TSHZ2: variants seen among roughly 807,000 people sequenced by gnomAD.
TSHZ2 encodes teashirt zinc finger homeobox 2.
In TSHZ2, 21 loss-of-function variants were observed where a neutral mutation model predicts 74.4. The observed-to-expected ratio is 0.28, with a 90% CI of 0.20 to 0.41. The LOEUF (loss-of-function observed/expected upper bound fraction) is 0.41, where lower values mean the gene tolerates loss of function less well. Among genes scored for constraint, TSHZ2 ranks in the 10% least tolerant of loss-of-function variants. The probability of loss-of-function intolerance (pLI) is 1.00; values close to 1 mark genes in which losing one functional copy is unlikely to be tolerated. For missense variants in TSHZ2, 1,244 were observed against 1,293.5 expected (o/e 0.96, Z 0.59); for synonymous variants, 540 against 515.3 (o/e 1.05, Z -0.65).
chr20:52,975,554 C>A lies in TSHZ2; in HGVS notation c.40+2221C>A, dbSNP rs143899627. Reference sequence around the variant, plus strand: ...GTGTGTGTGTGTTAGAAACTTGTAACTATAGTTTCAGTTTTCTGGCCTATT... The same window carrying A: ...GTGTGTGTGTGTTAGAAACTTGTAAATATAGTTTCAGTTTTCTGGCCTATT... On this transcript the variant is annotated intron_variant, in intron 1 of 2. Coordinates refer to ENST00000371497, the MANE Select transcript of TSHZ2 (RefSeq NM_173485.6). 3.4e-4 allele frequency among the ~76,000 whole-genome samples: 52 copies of A among 151,820 alleles called. No homozygotes were observed. The East Asian group carries it at 6.0e-3, about 18-fold the overall frequency.
chr20:53,212,731 T>C (rs1195727442), intron 1 of TSHZ2, among the ~76,000 whole-genome samples: 1 of 152,170 alleles, frequency 6.6e-6, no homozygotes, highest in African/African-American at 2.4e-5. Flanking sequence ...TTACAAAAGA[T>C]TCTCTCCGCA....
At chr20:53,284,405 A>G (rs918415765) in intron 2 of TSHZ2, among the ~76,000 whole-genome samples, 2 of 152,248 alleles carry the variant, frequency 1.3e-5, no homozygotes, top group Non-Finnish European at 2.9e-5. Context: ...TGAAGTTAGC[A>G]ACACTGATGC....
At chr20:53,194,131 A>T (rs1988803836) in intron 1 of TSHZ2, among the ~76,000 whole-genome samples, 1 of 152,194 alleles carries the variant, frequency 6.6e-6, no homozygotes, top group Non-Finnish European at 1.5e-5. Flanking sequence ...ATGGCCTTCC[A>T]TGAGCACAAT....
At chr20:53,412,372 A>G (rs149058368) in intron 2 of TSHZ2, among the ~76,000 whole-genome samples, 41 of 152,376 alleles carry the variant, frequency 2.7e-4, no homozygotes, top group Non-Finnish European at 5.3e-4. Context: ...CTCCAGGAGA[A>G]TGATCAAAGC....
intron 2 of TSHZ2, among the ~76,000 whole-genome samples, chr20:53,385,655 C>A (rs1349658886): frequency 6.6e-6 from 1 of 152,178 alleles, no homozygotes; most frequent in Non-Finnish European, 1.5e-5. Flanking sequence ...CCAGTTTTAA[C>A]CCAGGGTTCC....
intron 1 of TSHZ2, among the ~76,000 whole-genome samples, chr20:53,092,718 T>A (rs978980827): frequency 6.6e-6 from 1 of 152,210 alleles, no homozygotes; most frequent in Non-Finnish European, 1.5e-5. Flanking sequence ...AAGAAGCAGT[T>A]GTAAAAATAA....
At chr20:53,006,610 T>A (rs1249046007) in intron 1 of TSHZ2, among the ~76,000 whole-genome samples, 1 of 152,228 alleles carries the variant, frequency 6.6e-6, no homozygotes, top group African/African-American at 2.4e-5. Context: ...ATCTTTTGGT[T>A]TCTCAATGGA....
At chr20:53,222,776 C>A (rs976820651) in intron 1 of TSHZ2, among the ~76,000 whole-genome samples, 2 of 152,184 alleles carry the variant, frequency 1.3e-5, no homozygotes, top group Non-Finnish European at 2.9e-5. Context: ...AGCTTACAGA[C>A]CCAGGTGGGA....
At chr20:53,344,719 C>T (rs1980367731) in intron 2 of TSHZ2, among the ~76,000 whole-genome samples, 1 of 152,030 alleles carries the variant, frequency 6.6e-6, no homozygotes, top group African/African-American at 2.4e-5. Flanking sequence ...AAAATAGATG[C>T]ATGTTGATAT....
intron 1 of TSHZ2, among the ~76,000 whole-genome samples, chr20:53,234,260 T>C (rs138459302): frequency 2.4e-3 from 369 of 152,234 alleles, no homozygotes; most frequent in Non-Finnish European, 3.9e-3. Flanking sequence ...CCCAGAAAAA[T>C]TCTGGTGAGT....
intron 1 of TSHZ2, among the ~76,000 whole-genome samples, chr20:53,029,557 T>C (rs1983563612): frequency 6.6e-6 from 1 of 152,200 alleles, no homozygotes; most frequent in South Asian, 2.1e-4. Flanking sequence ...GTGCCTGTAA[T>C]CCCAGCTACT....
chr20:53,481,054 G>T (rs1295705011), intron 2 of TSHZ2, among the ~76,000 whole-genome samples: 1 of 147,456 alleles, frequency 6.8e-6, no homozygotes, highest in East Asian at 2.0e-4. Context: ...AAAAAAAAAT[G>T]CAGCAGCAAA....
chr20:53,309,157 G>T (rs1978674195), intron 2 of TSHZ2, among the ~76,000 whole-genome samples: 1 of 152,184 alleles, frequency 6.6e-6, no homozygotes, highest in Non-Finnish European at 1.5e-5. Context: ...CAGCCCAAGA[G>T]GTCTTGGGAA....
chr20:53,278,930 A>G (rs1301064300), intron 2 of TSHZ2, among the ~76,000 whole-genome samples: 2 of 152,208 alleles, frequency 1.3e-5, no homozygotes, highest in African/African-American at 2.4e-5. Context: ...AACTACTTAT[A>G]GCCTATTGTT....
intron 1 of TSHZ2, chr20:53,185,624 A>G: frequency 6.5e-7 from 1 of 1,535,900 alleles, no homozygotes; most frequent in Non-Finnish European, 8.7e-7. Context: ...CATCTCAAAA[A>G]AAGAAAAAAA....
At chr20:53,195,256 T>A (rs1988833131) in intron 1 of TSHZ2, among the ~76,000 whole-genome samples, 1 of 152,088 alleles carries the variant, frequency 6.6e-6, no homozygotes, top group African/African-American at 2.4e-5. Flanking sequence ...GGGTCATTAA[T>A]GAAAAAATAA....
chr20:53,418,241 C>CT (rs1983342304), intron 2 of TSHZ2, among the ~76,000 whole-genome samples: 1 of 152,158 alleles, frequency 6.6e-6, no homozygotes, highest in Admixed American at 6.5e-5. Flanking sequence ...TGGGATCCTA[C>CT]TACTTCCCAA....
intron 1 of TSHZ2, among the ~76,000 whole-genome samples, chr20:52,994,589 T>G (rs1982113115): frequency 6.6e-6 from 1 of 152,226 alleles, no homozygotes; most frequent in Non-Finnish European, 1.5e-5. Flanking sequence ...AGGTGGGCCC[T>G]GACATTTTCA....
intron 2 of TSHZ2, among the ~76,000 whole-genome samples, chr20:53,298,277 G>GTA (rs1991419514): frequency 6.6e-6 from 1 of 152,210 alleles, no homozygotes; most frequent in Admixed American, 6.5e-5. Flanking sequence ...GAGGGGCAGA[G>GTA]AACAAACACG....
Sources: gnomAD v4.1 joint callset for allele counts (sites outside exome capture counted in the v4.1 genomes callset) on GRCh38, gnomAD v4.1.1 for gene constraint, MANE v1.5 for transcripts, NCBI Gene and HGNC (gene_info 2026-07-23, HGNC 2026-07-21) for gene names.